LTF: variants seen among roughly 807,000 people sequenced by gnomAD.
LTF encodes the protein lactotransferrin, also known as epididymis luminal protein 110.
Under a neutral mutation model 87.2 loss-of-function variants are expected in LTF, and 91 were observed. The observed-to-expected ratio is 1.04, with a 90% confidence interval of 0.88 to 1.24. The LOEUF is 1.24. Ranked by LOEUF, LTF falls within the 50% of genes most tolerant of loss-of-function variation. LTF has a pLI of 0.00. For synonymous variants in LTF, 378 were observed against 356.1 expected, an observed-to-expected ratio of 1.06 and a Z score of -0.69; for missense variants, 901 against 904.3, an observed-to-expected ratio of 1.00 and a Z score of 0.05.
intron 2 of LTF, among the ~76,000 whole-genome samples, chr3:46,458,081 G>T (rs1702984993): frequency 6.6e-6 from 1 of 152,114 alleles, no homozygotes; most frequent in Admixed American, 6.5e-5. Flanking sequence ...ACCACGCCCG[G>T]CCTTGAGTTA....
At chr3:46,441,363 T>G in intron 14 of LTF, 53 bp downstream of exon 14, 1 of 1,432,386 alleles carries the variant, frequency 7.0e-7, no homozygotes, top group Non-Finnish European at 9.7e-7. Flanking sequence ...CTAAGATGTG[T>G]TGTGATGCCA....
upstream of LTF, chr3:46,465,021 C>T: frequency 2.7e-6 from 2 of 743,384 alleles, no homozygotes; most frequent in Non-Finnish European, 2.3e-6. Context: ...CCTTGAGGAT[C>T]CAGGCTCCGA....
At chr3:46,463,568 T>A in intron 1 of LTF, 1 of 985,508 alleles carries the variant, frequency 1.0e-6, no homozygotes, top group Non-Finnish European at 1.2e-6. Context: ...ACCATCCCAA[T>A]TGACTGCAGG....
intron 6 of LTF, among the ~76,000 whole-genome samples, chr3:46,452,997 A>T (rs886824440): frequency 6.6e-6 from 1 of 152,242 alleles, no homozygotes; most frequent in Admixed American, 6.5e-5. Flanking sequence ...CCTTATCAAT[A>T]TCAAGGATTT....
intron 14 of LTF, among the ~76,000 whole-genome samples, chr3:46,439,737 C>G (rs912294701): frequency 2.0e-5 from 3 of 152,210 alleles, no homozygotes; most frequent in Non-Finnish European, 4.4e-5. Context: ...CTGCAATATG[C>G]ATGAACCTCG....
chr3:46,456,805 C>G (rs1286466729), intron 2 of LTF, among the ~76,000 whole-genome samples: 1 of 152,204 alleles, frequency 6.6e-6, no homozygotes, highest in Non-Finnish European at 1.5e-5. Context: ...CCATGTTCCT[C>G]CGCTTCAGCA....
intron 1 of LTF, among the ~76,000 whole-genome samples, chr3:46,482,781 A>G (rs12490077): frequency 7.7e-6 from 1 of 130,466 alleles, no homozygotes; most frequent in Non-Finnish European, 1.7e-5. Context: ...AAGAAAGAAA[A>G]AGAAAGAAAG....
At position 46,448,995 on chromosome 3, in the gene LTF, C is replaced by G; in HGVS notation, c.1080G>C (p.Arg360=). The change falls in exon 9 of 17, where the codon CGG becomes CGC. Residue 360 remains arginine (R), a synonymous_variant. Transcript: ENST00000231751. ...CCGCACACCACACGACCCGCGCACG[C>G]CGGGCAGCCACTTCCTCCTCACCTG... The part of the protein sequence containing the change: ...LRKSEEEVAA[R]RARVVWCAVG... 6.2e-7 allele frequency: 1 copy of G among 1,610,326 alleles called. No individual in the cohort carries two copies. The highest frequency in any genetic ancestry group is 1.1e-5 in the South Asian group (1 of 90,786).
chr3:46,483,277 AC>A (rs1418936817), intron 1 of LTF, among the ~76,000 whole-genome samples: 1 of 152,212 alleles, frequency 6.6e-6, no homozygotes, highest in East Asian at 1.9e-4. Context: ...ACTGCCTGGA[AC>A]CCAGCCTCTC....
chr3:46,461,351 G>T (rs1703077065), intron 1 of LTF, among the ~76,000 whole-genome samples: 1 of 152,220 alleles, frequency 6.6e-6, no homozygotes, highest in South Asian at 2.1e-4. Context: ...AAATGCTTGT[G>T]CATGAATATT....
chr3:46,449,798 C>T (rs2106862652), intron 8 of LTF, 56 bp downstream of exon 8: 1 of 1,593,590 alleles, frequency 6.3e-7, no homozygotes, highest in Admixed American at 1.7e-5. Flanking sequence ...GGGCCACCTG[C>T]TGGGAAGTAG....
intron 6 of LTF, among the ~76,000 whole-genome samples, chr3:46,453,376 C>G (rs1201509246): frequency 2.0e-5 from 3 of 152,196 alleles, no homozygotes; most frequent in South Asian, 2.1e-4. Flanking sequence ...TCATTCCAGA[C>G]AGCAGCTTGG....
intron 1 of LTF, among the ~76,000 whole-genome samples, chr3:46,464,615 G>A (rs1264801697): frequency 6.6e-6 from 1 of 152,214 alleles, no homozygotes; most frequent in Admixed American, 6.5e-5. Context: ...GGCGTGCCCC[G>A]ATCCGGCTTG....
At chr3:46,440,018 G>A (rs1460209722) in intron 14 of LTF, among the ~76,000 whole-genome samples, 2 of 152,230 alleles carry the variant, frequency 1.3e-5, no homozygotes, top group Non-Finnish European at 2.9e-5. Flanking sequence ...TGCTGAAGAA[G>A]GATAGGGCAA....
chr3:46,455,104 G>A (rs1702893929), intron 5 of LTF, among the ~76,000 whole-genome samples, 191 bp downstream of exon 5: 1 of 152,216 alleles, frequency 6.6e-6, no homozygotes. Flanking sequence ...GGGCACAGTT[G>A]GGCCCGGAAG....
chr3:46,448,759 A>T (rs1475967), intron 9 of LTF, 104 bp downstream of exon 9: 3 of 1,386,016 alleles, frequency 2.2e-6, no homozygotes, highest in African/African-American at 1.5e-5. Context: ...TGCCTCACCC[A>T]GGCCCCCGTG....
chr3:46,439,425 C>A lies in LTF; in HGVS notation c.1779G>T (p.Leu593=). The change falls in exon 15 of 17, where the codon CTG becomes CTT. Residue 593 remains leucine (L), a synonymous_variant. Coordinates refer to ENST00000231751, the MANE Select transcript of LTF (RefSeq NM_002343.6). The stretch of plus-strand genomic sequence containing the variant: ...CAGGCTTCCGTTTGCCATCGAGGCA[C>A]AGCAGCGCAAAGTCTGCCAGCTTCA... The part of the protein sequence containing the change: ...KDLKLADFAL[L]CLDGKRKPVT... 6.2e-7 allele frequency: 1 copy of A among 1,614,118 alleles called. No homozygotes were observed. The highest frequency in any genetic ancestry group is 8.5e-7 in the Non-Finnish European group (1 of 1,179,974).
chr3:46,438,019 A>G lies in LTF; in HGVS notation c.2019T>C (p.His673=). 6.2e-7 allele frequency: 1 copy of G among 1,614,004 alleles called. No individual in the cohort carries two copies. Among genetic ancestry groups the G allele is most frequent in the Non-Finnish European group, 8.5e-7 (1 of 1,179,968 alleles). ...NDNTECLARL[H]GKTTYEKYLG... ...AATATTTTTCATATGTTGTTTTGCC[A>G]TGGAGTCTGGCCAGACACTCAGTGT... The change falls in exon 16 of 17, where the codon CAT becomes CAC. Residue 673 remains histidine, a synonymous_variant. Transcript: ENST00000231751.
At position 46,445,349 on chromosome 3, in the gene LTF, A is replaced by G; in HGVS notation, c.1445T>C (p.Val482Ala). Residue 482 changes from valine to alanine, a missense_variant, in exon 12 of 17, where the codon GTG becomes GCG. Coordinates refer to ENST00000231751, the MANE Select transcript of LTF (RefSeq NM_002343.6). ...GATATTCCAGCCTGCAGTCCTGTCCACGGCGGTGTGGCAGGACTTCTTGCC... is the reference window on the plus strand; with the variant it reads ...GATATTCCAGCCTGCAGTCCTGTCCGCGGCGGTGTGGCAGGACTTCTTGCC... ...VKGKKSCHTA[V>A]DRTAGWNIPM... 6.2e-7 allele frequency: 1 copy of G among 1,613,978 alleles called. No homozygotes were observed. The highest frequency in any genetic ancestry group is 1.1e-5 in the South Asian group (1 of 91,058).
Sources: allele counts gnomAD v4.1 joint callset (sites outside exome capture counted in the v4.1 genomes callset), GRCh38; gene constraint gnomAD v4.1.1; transcripts MANE v1.5; gene names NCBI Gene and HGNC (gene_info 2026-07-23, HGNC 2026-07-21).